Variants in ADARB2 observed in about 807,000 individuals in gnomAD.
The protein encoded by ADARB2 is adenosine deaminase RNA specific B2 (inactive), also known as inactive double-stranded RNA-specific editase B2.
In ADARB2, 25 loss-of-function variants were observed where a neutral mutation model predicts 62.2. The ratio of observed to expected loss-of-function variants is 0.40; its 90% confidence interval spans 0.29 to 0.56. The LOEUF (loss-of-function observed/expected upper bound fraction) is 0.56, where lower values mean the gene tolerates loss of function less well. Among genes scored for constraint, ADARB2 ranks in the 20% least tolerant of loss-of-function variants. The pLI is 0.43. For missense variants in ADARB2, 1,071 were observed against 1,077.4 expected, an observed-to-expected ratio of 0.99 and a Z score of 0.08; for synonymous variants, 572 against 500.8, an observed-to-expected ratio of 1.14 and a Z score of -1.90.
intron 1 of ADARB2, among the ~76,000 whole-genome samples, chr10:1,405,015 G>A (rs535961532): frequency 2.0e-5 from 3 of 152,296 alleles, no homozygotes; most frequent in East Asian, 1.9e-4. Flanking sequence ...AATTCCCGGC[G>A]CCTGCGTGGA....
chr10:1,349,905 G>T (rs192498479), intron 3 of ADARB2, among the ~76,000 whole-genome samples: 2 of 151,990 alleles, frequency 1.3e-5, no homozygotes, highest in African/African-American at 4.8e-5. Flanking sequence ...TTGTGGGGAC[G>T]CCTGCCTTGG....
At chr10:1,481,856 C>CAAAA (rs34445492) in intron 1 of ADARB2, among the ~76,000 whole-genome samples, 1 of 135,166 alleles carries the variant, frequency 7.4e-6, no homozygotes. Context: ...GACTCCATCT[C>CAAAA]AAAAAAAAAA....
At chr10:1,678,469 C>T (rs539137553) in intron 1 of ADARB2, 8 of 488,658 alleles carry the variant, frequency 1.6e-5, no homozygotes, top group African/African-American at 4.2e-5. Context: ...TCAAGGTCAC[C>T]GAGAACTTTG....
chr10:1,393,369 C>T (rs1445571464), intron 1 of ADARB2, among the ~76,000 whole-genome samples: 1 of 152,122 alleles, frequency 6.6e-6, no homozygotes, highest in Non-Finnish European at 1.5e-5. Context: ...ACAAATAATC[C>T]GATTATACTC....
At chr10:1,349,181 CTCCTGGCTCA>C (rs996271241) in intron 3 of ADARB2, among the ~76,000 whole-genome samples, 19 of 152,288 alleles carry the variant, frequency 1.2e-4, no homozygotes, top group African/African-American at 4.6e-4. Context: ...GAACGTCCTT[CTCCTGGCTCA>C]TCCTGGCTCA....
rs371586209 is a variant in ADARB2 at position 1,183,198 on chromosome 10, G to A, written c.2215C>T (p.Leu739Phe). ...PPEQQQFLLT[L>F] is the part of the protein sequence containing the mutation. Reference sequence around the variant, plus strand: ...AGCAGCCAGGAGCCCGCAGCCTAGAGAGTCAGTAGAAACTGCTGCTGCTCC... The same window carrying A: ...AGCAGCCAGGAGCCCGCAGCCTAGAAAGTCAGTAGAAACTGCTGCTGCTCC... The change falls in exon 10 of 10, where the codon CTC (leucine) becomes TTC (phenylalanine). Residue 739 changes from leucine (L) to phenylalanine (F), a missense_variant. Coordinates refer to ENST00000381312, the MANE Select transcript of ADARB2 (RefSeq NM_018702.4). 10 of 1,612,772 alleles carry A rather than the reference G, an allele frequency of 6.2e-6. No individual in the cohort carries two copies. The highest frequency in any genetic ancestry group is 5.0e-5 in the Admixed American group (3 of 60,008).
At chr10:1,686,432 CA>C (rs1834597759) in intron 1 of ADARB2, among the ~76,000 whole-genome samples, 1 of 152,210 alleles carries the variant, frequency 6.6e-6, no homozygotes, top group Non-Finnish European at 1.5e-5. Context: ...CAAGCTCTTG[CA>C]ATCAGGAAAC....
At chr10:1,493,746 T>C (rs1434001021) in intron 1 of ADARB2, among the ~76,000 whole-genome samples, 1 of 51,236 alleles carries the variant, frequency 2.0e-5, no homozygotes, top group African/African-American at 8.4e-5. Flanking sequence ...TTTTTTTTTT[T>C]TTTTTTTTTT....
chr10:1,712,344 G>A (rs1164934015), intron 1 of ADARB2, among the ~76,000 whole-genome samples: 1 of 152,072 alleles, frequency 6.6e-6, no homozygotes, highest in East Asian at 1.9e-4. Flanking sequence ...ATTTCACACA[G>A]CTCTAGCAGG....
rs541310396 is a variant in ADARB2, at chr10:1,629,908, A to AGGGAGCGTGAGGAGGG, written c.100+107127_100+107142dup. ...AGCGAGACACAGAGAATGCGGGGGA[A>AGGGAGCGTGAGGAGGG]GGGAGCGTGAGGAGGGAGGAACCTG... On this transcript the variant is annotated intron_variant, in intron 1 of 9. Transcript: ENST00000381312. Among the ~76,000 whole-genome samples, 813 of 152,164 alleles carry AGGGAGCGTGAGGAGGG rather than the reference A, an allele frequency of 5.3e-3. 7 individuals carry two copies. Among genetic ancestry groups the AGGGAGCGTGAGGAGGG allele is most frequent in the African/African-American group, 0.019 (769 of 41,498 alleles).
chr10:1,421,113 C>T (rs1460190499), intron 1 of ADARB2, among the ~76,000 whole-genome samples: 1 of 151,970 alleles, frequency 6.6e-6, no homozygotes, highest in Non-Finnish European at 1.5e-5. Context: ...GTCAGGTCCC[C>T]AGGATGGTGG....
At chr10:1,483,643 A>C (rs901564607) in intron 1 of ADARB2, among the ~76,000 whole-genome samples, 4 of 72,408 alleles carry the variant, frequency 5.5e-5, no homozygotes, top group Non-Finnish European at 1.2e-4. Context: ...ACCTGATAAT[A>C]CCCAGAAAGT....
Position 1,371,127 on chromosome 10 carries a change from G to A in ADARB2, c.188-7210C>T, listed in dbSNP as rs542448777. Among the ~76,000 whole-genome samples, 9 of 152,226 alleles carry A rather than the reference G, an allele frequency of 5.9e-5. No individual in the cohort carries two copies. The East Asian group carries it at 1.5e-3, about 26-fold the overall frequency. On this transcript the variant is annotated intron_variant, in intron 2 of 9. Transcript: ENST00000381312. The stretch of plus-strand genomic sequence containing the variant: ...CATAGACCCACGGAACAGAGAACCC[G>A]GAAAGAAAGTGGTCCGTCTCCAGCC...
chr10:1,523,516 G>A (rs907548161), intron 1 of ADARB2, among the ~76,000 whole-genome samples: 2 of 152,162 alleles, frequency 1.3e-5, no homozygotes, highest in African/African-American at 4.8e-5. Context: ...GGCTTCGTCT[G>A]GAATAGCACC....
chr10:1,552,624 C>T (rs150804510), intron 1 of ADARB2, among the ~76,000 whole-genome samples: 6 of 144,228 alleles, frequency 4.2e-5, no homozygotes, highest in Non-Finnish European at 9.0e-5. Context: ...CTTTTTCTGG[C>T]CTGGTCCTGC....
At chr10:1,459,916 C>A (rs1239383007) in intron 1 of ADARB2, among the ~76,000 whole-genome samples, 3 of 144,920 alleles carry the variant, frequency 2.1e-5, no homozygotes, top group Non-Finnish European at 3.0e-5. Flanking sequence ...GTGCAGCAAA[C>A]CTGCCTGTGA....
intron 1 of ADARB2, among the ~76,000 whole-genome samples, chr10:1,610,303 G>A (rs1833551981): frequency 6.6e-6 from 1 of 152,144 alleles, no homozygotes; most frequent in South Asian, 2.1e-4. Context: ...CAGTCTCAAC[G>A]ATACGATATG....
chr10:1,581,085 G>A (rs1328726129), intron 1 of ADARB2, among the ~76,000 whole-genome samples: 2 of 152,228 alleles, frequency 1.3e-5, no homozygotes, highest in South Asian at 4.1e-4. Flanking sequence ...AATACTCAGC[G>A]TGGAGCTGCT....
At chr10:1,276,514 T>C (rs149559648) in intron 3 of ADARB2, among the ~76,000 whole-genome samples, 1,621 of 152,308 alleles carry the variant, frequency 0.011, 19 homozygotes, top group Non-Finnish European at 0.015. Context: ...TTAGTTTAAT[T>C]AGATCCCATT....
Sources: gnomAD v4.1 joint callset for allele counts (sites outside exome capture counted in the v4.1 genomes callset) on GRCh38, gnomAD v4.1.1 for gene constraint, MANE v1.5 for transcripts, NCBI Gene and HGNC (gene_info 2026-07-23, HGNC 2026-07-21) for gene names.